The following EIF3H variants were observed in gnomAD, a reference collection of about 807,000 sequenced individuals.
EIF3H encodes eIF-3-gamma.
In EIF3H, 26 loss-of-function variants were observed where a neutral mutation model predicts 44.2. The observed-to-expected ratio is 0.59, with a 90% CI of 0.43 to 0.82. The LOEUF (loss-of-function observed/expected upper bound fraction) is 0.82. EIF3H is among the 40% of genes least tolerant of loss of function. The probability of loss-of-function intolerance (pLI) is 0.00; values close to 1 mark genes in which losing one functional copy is unlikely to be tolerated. For missense variants in EIF3H, 359 were observed against 432.8 expected (o/e 0.83, Z 1.51); for synonymous variants, 166 against 151.9 (o/e 1.09, Z -0.68).
chr8:116,722,301 T>G (rs750702139), intron 2 of EIF3H, among the ~76,000 whole-genome samples: 2 of 152,332 alleles, frequency 1.3e-5, no homozygotes, highest in South Asian at 4.1e-4. Context: ...CCACCATGAT[T>G]GTGAGGCCTT....
intron 1 of EIF3H, among the ~76,000 whole-genome samples, chr8:116,764,503 G>A (rs765303339): frequency 6.6e-6 from 1 of 152,172 alleles, no homozygotes; most frequent in Non-Finnish European, 1.5e-5. Context: ...GCATAATAAT[G>A]ATTTGGGGAG....
chr8:116,670,197 C>G (rs748429010), intron 2 of EIF3H, among the ~76,000 whole-genome samples: 8 of 152,166 alleles, frequency 5.3e-5, no homozygotes, highest in Non-Finnish European at 8.8e-5. Flanking sequence ...CAAAGGGGCT[C>G]AAGATCTAAA....
At chr8:116,672,062 A>G (rs74987669) in intron 2 of EIF3H, among the ~76,000 whole-genome samples, 76 of 152,336 alleles carry the variant, frequency 5.0e-4, no homozygotes, top group Non-Finnish European at 9.9e-4. Flanking sequence ...GTTTATTACA[A>G]TGGTATGGAG....
chr8:116,738,938 AATTAAATT>A (rs1012920590), intron 1 of EIF3H, among the ~76,000 whole-genome samples: 23 of 152,246 alleles, frequency 1.5e-4, no homozygotes, highest in Admixed American at 1.4e-3. Context: ...AATACAGTTC[AATTAAATT>A]ATTAAATTAT....
At chr8:116,703,848 T>C (rs148508531) in intron 2 of EIF3H, among the ~76,000 whole-genome samples, 2,198 of 152,244 alleles carry the variant, frequency 0.014, 49 homozygotes, top group African/African-American at 0.049. Context: ...TTGTCTTGTG[T>C]CTTTATTTCT....
chr8:116,744,960 G>A (rs1224771804), intron 1 of EIF3H, among the ~76,000 whole-genome samples: 1 of 152,212 alleles, frequency 6.6e-6, no homozygotes, highest in Non-Finnish European at 1.5e-5. Flanking sequence ...TGCAAGTCCA[G>A]AGCATTGCTG....
chr8:116,764,951 A>G (rs1476722478), intron 1 of EIF3H, among the ~76,000 whole-genome samples: 3 of 152,230 alleles, frequency 2.0e-5, no homozygotes, highest in African/African-American at 2.4e-5. Context: ...TTGGTAAATT[A>G]AAAAACGACA....
At chr8:116,686,166 C>T (rs1814075396) in intron 2 of EIF3H, among the ~76,000 whole-genome samples, 1 of 152,120 alleles carries the variant, frequency 6.6e-6, no homozygotes, top group Non-Finnish European at 1.5e-5. Context: ...CCCTTCCCTA[C>T]TGGACTATAC....
At chr8:116,766,302 A>G (rs764249752), upstream of EIF3H, 13 of 330,680 alleles carry the variant, frequency 3.9e-5, no homozygotes, top group Non-Finnish European at 6.7e-5. Context: ...ATTTTCTTTT[A>G]CCGTGGCCCC....
Position 116,644,915 on chromosome 8 carries a change from C to T in EIF3H, c.*91G>A, listed in dbSNP as rs938167451. 27 of 1,023,722 alleles carry T rather than the reference C, an allele frequency of 2.6e-5. No homozygotes were observed. Among genetic ancestry groups the T allele is most frequent in the Middle Eastern group, 2.2e-4 (1 of 4,592 alleles). 63.4% of individuals were successfully genotyped at this position (1,023,722 alleles called of 1,614,324 possible). A position where few individuals can be genotyped will look rare whatever the true frequency, so the allele number is the denominator to read the frequency against. On this transcript the variant is annotated 3_prime_UTR_variant, in exon 8 of 8. Coordinates refer to ENST00000521861, the MANE Select transcript of EIF3H (RefSeq NM_003756.3). ...AATGACACTAAAGAAATCCTCTGTG[C>T]TTTTCAATATGCAAATATATTTCTT...
chr8:116,732,361 T>G (rs1007783932), intron 1 of EIF3H, among the ~76,000 whole-genome samples: 2 of 152,084 alleles, frequency 1.3e-5, no homozygotes, highest in African/African-American at 4.8e-5. Context: ...ACATTATAAG[T>G]CAATAAATCT....
chr8:116,698,122 G>A (rs1015745283), intron 2 of EIF3H, among the ~76,000 whole-genome samples: 1 of 152,094 alleles, frequency 6.6e-6, no homozygotes, highest in Non-Finnish European at 1.5e-5. Context: ...CATTATACCC[G>A]AGGGCCATTA....
intron 2 of EIF3H, among the ~76,000 whole-genome samples, chr8:116,670,449 A>T (rs1340529296): frequency 6.6e-6 from 1 of 152,220 alleles, no homozygotes; most frequent in African/African-American, 2.4e-5. Flanking sequence ...TCAGCAGGAC[A>T]GCCAATAGAA....
chr8:116,657,368 G>A, intron 3 of EIF3H, 54 bp from the exon 4 acceptor site: 1 of 1,341,924 alleles, frequency 7.5e-7, no homozygotes, highest in Non-Finnish European at 1.1e-6. Flanking sequence ...TGCCAGGCTT[G>A]AATGGCATTG....
chr8:116,691,852 A>G (rs927788553), intron 2 of EIF3H, among the ~76,000 whole-genome samples: 7 of 142,252 alleles, frequency 4.9e-5, no homozygotes, highest in Non-Finnish European at 1.1e-4. Context: ...AGCCTGGGTG[A>G]CAGAGAAAGA....
chr8:116,725,959 T>A (rs754579606), intron 2 of EIF3H, 57 bp downstream of exon 2: 14 of 1,555,686 alleles, frequency 9.0e-6, no homozygotes, highest in Non-Finnish European at 1.2e-5. Flanking sequence ...TGGTGAGACC[T>A]GTGTCAATAT....
At chr8:116,725,909 T>C in intron 2 of EIF3H, 107 bp downstream of exon 2, 1 of 1,346,916 alleles carries the variant, frequency 7.4e-7, no homozygotes, top group Non-Finnish European at 1.0e-6. Context: ...TGAAGTAGGC[T>C]AGCCTGACAG....
rs764815164 is a variant in EIF3H, at chr8:116,755,616, C to T, written c.132+50G>A. On this transcript the variant is annotated intron_variant, in intron 1 of 7. Coordinates refer to ENST00000521861, the MANE Select transcript of EIF3H (RefSeq NM_003756.3). ...AGAAAGTACGTCTGGTGGGACGGGGCTGGGAACTGCGCTCCCCACGTGGGC... is the reference window on the plus strand; with the variant it reads ...AGAAAGTACGTCTGGTGGGACGGGGTTGGGAACTGCGCTCCCCACGTGGGC... 4 of 1,609,902 alleles carry T rather than the reference C, an allele frequency of 2.5e-6. No homozygotes were observed. In the East Asian group the frequency reaches 8.9e-5, roughly 36 times the overall value.
chr8:116,713,049 G>A (rs1020702547), intron 2 of EIF3H, among the ~76,000 whole-genome samples: 1 of 151,922 alleles, frequency 6.6e-6, no homozygotes, highest in Admixed American at 6.6e-5. Context: ...CATTTTAATG[G>A]CTATTACCTT....
Sources: allele counts gnomAD v4.1 joint callset (sites outside exome capture counted in the v4.1 genomes callset), GRCh38; gene constraint gnomAD v4.1.1; transcripts MANE v1.5; gene names NCBI Gene and HGNC (gene_info 2026-07-23, HGNC 2026-07-21).